The following CILK1 variants were observed in gnomAD, a reference collection of about 807,000 sequenced individuals.
CILK1 encodes ciliogenesis associated kinase 1, also known as serine/threonine-protein kinase ICK.
In CILK1, 47 loss-of-function variants were observed where a neutral mutation model predicts 79.2. That is an observed-to-expected ratio of 0.59 (90% CI 0.47 to 0.76). The LOEUF (loss-of-function observed/expected upper bound fraction) is 0.76. CILK1 is among the 30% of genes least tolerant of loss of function. The pLI is 0.00. For missense variants in CILK1, 660 were observed against 769.5 expected (o/e 0.86, Z 1.68); for synonymous variants, 266 against 275.9 (o/e 0.96, Z 0.36).
chr6:53,022,149 AAAGTAT>A (rs1765284021), intron 5 of CILK1, among the ~76,000 whole-genome samples: 2 of 152,236 alleles, frequency 1.3e-5, no homozygotes, highest in South Asian at 4.1e-4. Flanking sequence ...AAAGTTAAAA[AAAGTAT>A]AAGTTTATGA....
chr6:53,057,502 T>C (rs1477324008), intron 1 of CILK1, among the ~76,000 whole-genome samples: 1 of 152,248 alleles, frequency 6.6e-6, no homozygotes, highest in African/African-American at 2.4e-5. Context: ...ATAGTTACTT[T>C]CATGATATTG....
chr6:53,034,548 T>C (rs1244980823), intron 3 of CILK1, among the ~76,000 whole-genome samples: 1 of 152,176 alleles, frequency 6.6e-6, no homozygotes, highest in Non-Finnish European at 1.5e-5. Flanking sequence ...ATGTGGACTG[T>C]TTATCCTCAT....
In CILK1 at chr6:53,012,197, C is replaced by T; in HGVS notation, c.1183G>A (p.Gly395Ser). 1 of 1,614,148 alleles carries T rather than the reference C, an allele frequency of 6.2e-7. No homozygotes were observed. Among genetic ancestry groups the T allele is most frequent in the Non-Finnish European group, 8.5e-7 (1 of 1,180,020 alleles). Residue 395 changes from glycine (G) to serine (S), a missense_variant, in exon 10 of 14, where the codon GGT becomes AGT. Gly to Ser is a moderately conservative substitution (Grantham distance 56, BLOSUM62 0). Transcript: ENST00000676107. ...CTCCTACTCTTTGGCTTTATCTCAC[C>T]ATTTTTGTGCTCCAGGCCAGCTGTG... ...KITAGLEHKN[G>S]EIKPKSRRRW...
intron 1 of CILK1, among the ~76,000 whole-genome samples, chr6:53,041,668 T>C (rs886909108): frequency 6.6e-6 from 1 of 152,230 alleles, no homozygotes; most frequent in African/African-American, 2.4e-5. Context: ...CTGGGGCTGC[T>C]GTCCATGTGG....
chr6:53,056,237 G>A (rs900551956), intron 1 of CILK1, among the ~76,000 whole-genome samples: 1 of 152,194 alleles, frequency 6.6e-6, no homozygotes, highest in Non-Finnish European at 1.5e-5. Context: ...TGATCTCAGT[G>A]TAAGATGCTT....
intron 7 of CILK1, among the ~76,000 whole-genome samples, chr6:53,016,683 T>C (rs1178795387): frequency 6.6e-6 from 1 of 152,226 alleles, no homozygotes; most frequent in Non-Finnish European, 1.5e-5. Flanking sequence ...TATCTTCAAC[T>C]TGGTGATTGA....
intron 2 of CILK1, among the ~76,000 whole-genome samples, chr6:53,040,787 C>G (rs1226374973): frequency 6.6e-6 from 1 of 152,178 alleles, no homozygotes; most frequent in Non-Finnish European, 1.5e-5. Context: ...GTCACCAGAC[C>G]ACCATACGCA....
At position 53,013,882 on chromosome 6, in the gene CILK1, G is replaced by A. The variant is rs2127411667; in HGVS notation, c.932C>T (p.Ala311Val). The change falls in exon 9 of 14, where the codon GCA (alanine) becomes GTA (valine). Residue 311 changes from alanine (A) to valine (V), a missense_variant. Transcript: ENST00000676107. ...EKPQKGILEK[A>V]GPPPYIKPVP... ...TGGCTTAATATAAGGAGGTGGGCCTGCCTTTTCCAGGATGCCTTTCTGTGG... is the reference window on the plus strand; with the variant it reads ...TGGCTTAATATAAGGAGGTGGGCCTACCTTTTCCAGGATGCCTTTCTGTGG... The A allele has an allele frequency of 6.2e-7, 1 of 1,614,096 alleles. No individual in the cohort carries two copies. Among genetic ancestry groups the A allele is most frequent in the Non-Finnish European group, 8.5e-7 (1 of 1,179,974 alleles).
At position 53,031,157 on chromosome 6, in the gene CILK1, G is replaced by C; in HGVS notation, c.279-13C>G. On this transcript the variant is annotated splice_polypyrimidine_tract_variant and intron_variant, in intron 4 of 13. Coordinates refer to ENST00000676107, the MANE Select transcript of CILK1 (RefSeq NM_014920.5). ...AAACAACTTATTTCTGTATGAGGCA[G>C]AGGAAAACAAAGTTATAAATCAAAG... The C allele has an allele frequency of 6.5e-7, 1 of 1,539,994 alleles. No individual in the cohort carries two copies. The highest frequency in any genetic ancestry group is 9.0e-7 in the Non-Finnish European group (1 of 1,113,640).
intron 7 of CILK1, among the ~76,000 whole-genome samples, chr6:53,017,784 A>G (rs1764978699): frequency 6.6e-6 from 1 of 152,214 alleles, no homozygotes; most frequent in Non-Finnish European, 1.5e-5. Flanking sequence ...GCTTAGATGA[A>G]GGGAAAGGGG....
At chr6:53,046,654 A>G (rs1034435970) in intron 1 of CILK1, among the ~76,000 whole-genome samples, 3 of 152,248 alleles carry the variant, frequency 2.0e-5, no homozygotes, top group Non-Finnish European at 2.9e-5. Flanking sequence ...ACAATGGATC[A>G]GACTAGTGTC....
intron 2 of CILK1, 139 bp from the exon 3 acceptor site, chr6:53,038,132 C>T (rs1342105871): frequency 6.0e-6 from 4 of 663,058 alleles, no homozygotes; most frequent in African/African-American, 1.8e-5. Flanking sequence ...ATTATACTAT[C>T]CCAAACCAGC....
At chr6:53,020,323 T>C (rs1765155346) in intron 5 of CILK1, among the ~76,000 whole-genome samples, 1 of 152,172 alleles carries the variant, frequency 6.6e-6, no homozygotes, top group South Asian at 2.1e-4. Flanking sequence ...AACCTCCCAC[T>C]TCCTGAGAGT....
intron 10 of CILK1, 27 bp downstream of exon 10, chr6:53,012,010 G>C: frequency 6.2e-7 from 1 of 1,614,000 alleles, no homozygotes; most frequent in South Asian, 1.1e-5. Context: ...GATTCAGTCT[G>C]TTTACAAATG....
At chr6:53,007,299 G>T (rs1581936501) in intron 12 of CILK1, among the ~76,000 whole-genome samples, 1 of 152,226 alleles carries the variant, frequency 6.6e-6, no homozygotes, top group Non-Finnish European at 1.5e-5. Flanking sequence ...GAATGCCTGC[G>T]TGAGGAGTTG....
chr6:53,036,665 C>T (rs372172351), intron 3 of CILK1, among the ~76,000 whole-genome samples: 1 of 152,146 alleles, frequency 6.6e-6, no homozygotes. Flanking sequence ...ATCCACCAGC[C>T]TCAGCCTCCC....
intron 1 of CILK1, chr6:53,057,710 T>A (rs1323830356): frequency 6.6e-6 from 1 of 150,892 alleles, no homozygotes; most frequent in African/African-American, 2.4e-5. Flanking sequence ...GAGTTAAGAA[T>A]TTTTTTTTTC....
In CILK1 at chr6:53,053,996, GA is replaced by G. The variant is rs373868573; in HGVS notation, c.-173+7599del. On this transcript the variant is annotated intron_variant, in intron 1 of 13. Transcript: ENST00000676107. ...AGGAATTGAGCTAGCATTTGTCTAA[GA>G]AAAAAAAAAGGATAAATGTTTCTGC... is the stretch of plus-strand genomic sequence containing the variant. Among the ~76,000 whole-genome samples the G allele has an allele frequency of 4.1e-5, 6 of 147,472 alleles. No individual in the cohort carries two copies. In the East Asian group the frequency reaches 5.9e-4, roughly 14 times the overall value.
rs567410368 is a variant in CILK1, at chr6:53,020,286, T to C, written c.359-927A>G. Among the ~76,000 whole-genome samples, 6 of 152,214 alleles carry C rather than the reference T, an allele frequency of 3.9e-5. No homozygotes were observed. The South Asian group carries it at 1.2e-3, about 32-fold the overall frequency. ...CAAGCTCACTCAAACGCCCAGTGAA[T>C]TGCAATATATGTCTCTGAAAACCCC... On this transcript the variant is annotated intron_variant, in intron 5 of 13. Transcript: ENST00000676107.
Sources: allele counts gnomAD v4.1 joint callset (sites outside exome capture counted in the v4.1 genomes callset), GRCh38; gene constraint gnomAD v4.1.1; transcripts MANE v1.5; gene names NCBI Gene and HGNC (gene_info 2026-07-23, HGNC 2026-07-21).